PAIP1: variants seen among roughly 807,000 people sequenced by gnomAD.
PAIP1 encodes the protein poly(A) binding protein interacting protein 1, also known as polyadenylate-binding protein-interacting protein 1.
In PAIP1, 16 loss-of-function variants were observed where a neutral mutation model predicts 61.3. The observed-to-expected ratio is 0.26, with a 90% CI of 0.18 to 0.40. The LOEUF (loss-of-function observed/expected upper bound fraction) is 0.40. Among genes scored for constraint, PAIP1 ranks in the 10% least tolerant of loss-of-function variants. The pLI is 1.00. For missense variants in PAIP1, 416 were observed against 600.9 expected, an observed-to-expected ratio of 0.69 and a Z score of 3.22; for synonymous variants, 187 against 226.2, an observed-to-expected ratio of 0.83 and a Z score of 1.56.
At position 43,535,556 on chromosome 5, in the gene PAIP1, C is replaced by G; in HGVS notation, c.1057G>C (p.Val353Leu). The stretch of plus-strand genomic sequence containing the variant: ...TACCTACTGCAGTTTGCATCTAGGA[C>G]AACGTTTTCAATTCTCTGAATAATT... Reference protein sequence around the residue: ...EEIIQRIENVVLDANCSRDVK... With the variant: ...EEIIQRIENVLLDANCSRDVK... The change falls in exon 7 of 11, where the codon GTC becomes CTC. Residue 353 changes from valine (V) to leucine (L), a missense_variant. Coordinates refer to ENST00000306846, the MANE Select transcript of PAIP1 (RefSeq NM_006451.5). The G allele has an allele frequency of 6.3e-7, 1 of 1,583,220 alleles. No homozygotes were observed. The highest frequency in any genetic ancestry group is 8.7e-7 in the Non-Finnish European group (1 of 1,153,756).
At chr5:43,527,811 C>A (rs952114378) in intron 10 of PAIP1, among the ~76,000 whole-genome samples, 2 of 152,140 alleles carry the variant, frequency 1.3e-5, no homozygotes, top group African/African-American at 4.8e-5. Flanking sequence ...TACCAACAAA[C>A]AATTAGAATA....
intron 4 of PAIP1, among the ~76,000 whole-genome samples, chr5:43,541,839 A>T (rs925995892): frequency 6.6e-6 from 1 of 151,870 alleles, no homozygotes; most frequent in Non-Finnish European, 1.5e-5. Flanking sequence ...GTGTAATTTC[A>T]AACACTGATT....
chr5:43,533,083 T>C (rs752175549), intron 9 of PAIP1, among the ~76,000 whole-genome samples: 1 of 152,316 alleles, frequency 6.6e-6, no homozygotes, highest in African/African-American at 2.4e-5. Context: ...TTCTACTTCC[T>C]TGCCCTAAAA....
In PAIP1 at chr5:43,547,743, T is replaced by A. The variant is rs765621661; in HGVS notation, c.606A>T (p.Glu202Asp). ...GCCAACATACCTGTTGATAGATGAG[T>A]TCCACAAGTTCTTGCAAAGCATCAT... ...TTDDALQELV[E>D]LIYQQATSIP... The change falls in exon 3 of 11, where the codon GAA becomes GAT. Residue 202 changes from glutamate (E) to aspartate (D), a missense_variant. Physicochemically the swap from Glu to Asp is conservative, Grantham distance 45 (BLOSUM62 2). Coordinates refer to ENST00000306846, the MANE Select transcript of PAIP1 (RefSeq NM_006451.5). The A allele has an allele frequency of 6.2e-7, 1 of 1,608,014 alleles. No homozygotes were observed. Among genetic ancestry groups the A allele is most frequent in the South Asian group, 1.1e-5 (1 of 90,476 alleles).
chr5:43,556,164 A>C, intron 1 of PAIP1, 165 bp from the exon 2 acceptor site: 1 of 1,409,372 alleles, frequency 7.1e-7, no homozygotes, highest in Non-Finnish European at 9.2e-7. Flanking sequence ...GCCTACAAAA[A>C]GGAACAATAG....
At position 43,527,467 on chromosome 5, in the gene PAIP1, T is replaced by C. The variant is rs757259103; in HGVS notation, c.1349A>G (p.Tyr450Cys). The C allele has an allele frequency of 4.4e-6, 7 of 1,604,176 alleles. No homozygotes were observed. The highest frequency in any genetic ancestry group is 6.0e-6 in the Non-Finnish European group (7 of 1,175,652). The change falls in exon 11 of 11, where the codon TAC becomes TGC. Residue 450 changes from tyrosine to cysteine, a missense_variant and splice_region_variant. Coordinates refer to ENST00000306846, the MANE Select transcript of PAIP1 (RefSeq NM_006451.5). ...GTDLSGAGDPYLDDIDDEMDP... is the reference protein window; with the variant it reads ...GTDLSGAGDPCLDDIDDEMDP... ...CATCTCATCATCAATATCATCCAAG[T>C]ATCTGTAAAAGCAAAGATGATTCAT...
chr5:43,533,727 A>G lies in PAIP1; in HGVS notation c.1252+11T>C. The G allele has an allele frequency of 6.4e-7, 1 of 1,558,018 alleles. No individual in the cohort carries two copies. Among genetic ancestry groups the G allele is most frequent in the African/African-American group, 1.4e-5 (1 of 73,928 alleles). ...CAACTGGGAGGAGGGAATGACTGTG[A>G]GACAACATACCTGGATCAGCTGCAG... On this transcript the variant is annotated intron_variant, in intron 9 of 10. Coordinates refer to ENST00000306846, the MANE Select transcript of PAIP1 (RefSeq NM_006451.5).
At chr5:43,527,567 C>A in intron 10 of PAIP1, 98 bp from the exon 11 acceptor site, 1 of 1,064,550 alleles carries the variant, frequency 9.4e-7, no homozygotes, top group East Asian at 2.7e-5. Flanking sequence ...CTTTCCTAGA[C>A]TGACTTATAA....
At chr5:43,548,504 A>C (rs1385628377) in intron 2 of PAIP1, among the ~76,000 whole-genome samples, 1 of 152,240 alleles carries the variant, frequency 6.6e-6, no homozygotes, top group Non-Finnish European at 1.5e-5. Context: ...CACGGTATAA[A>C]TGGAAGGAGA....
At chr5:43,531,191 C>T (rs184106990) in intron 9 of PAIP1, among the ~76,000 whole-genome samples, 2 of 151,918 alleles carry the variant, frequency 1.3e-5, no homozygotes, top group Admixed American at 1.3e-4. Context: ...ACATAAAGAA[C>T]CCCTATGACA....
intron 7 of PAIP1, 107 bp from the exon 8 acceptor site, chr5:43,535,077 C>A: frequency 1.5e-6 from 1 of 685,312 alleles, no homozygotes; most frequent in South Asian, 1.7e-5. Flanking sequence ...ACAGGTACAT[C>A]TGATGCCTTG....
At chr5:43,537,325 G>A (rs558058750) in intron 5 of PAIP1, among the ~76,000 whole-genome samples, 1 of 152,060 alleles carries the variant, frequency 6.6e-6, no homozygotes, top group African/African-American at 2.4e-5. Context: ...TTATATCACT[G>A]TGTAGAAGAA....
intron 6 of PAIP1, 143 bp downstream of exon 6, chr5:43,536,676 C>A: frequency 2.1e-6 from 1 of 480,262 alleles, no homozygotes; most frequent in Non-Finnish European, 3.7e-6. Flanking sequence ...TCTCGCTTTT[C>A]CAAAATATTC....
chr5:43,551,940 A>C (rs1018648138), intron 2 of PAIP1, among the ~76,000 whole-genome samples: 3 of 152,164 alleles, frequency 2.0e-5, no homozygotes, highest in Non-Finnish European at 4.4e-5. Context: ...CAAAGCCTGC[A>C]TTACTTCTCT....
rs1372365110 is a variant in PAIP1 at position 43,555,841 on chromosome 5, A to T, written c.424T>A (p.Ser142Thr). 5.0e-6 allele frequency: 8 copies of T among 1,610,416 alleles called. 1 individual carries two copies. Among genetic ancestry groups the T allele is most frequent in the South Asian group, 2.2e-5 (2 of 90,438 alleles). Residue 142 changes from serine to threonine, a missense_variant, in exon 2 of 11, where the codon TCC becomes ACC. Physicochemically the swap from Ser to Thr is moderately conservative, Grantham distance 58. Transcript: ENST00000306846. Reference protein sequence around the residue: ...APEFYPSGYSSSYTESYEDGC... With the variant: ...APEFYPSGYSTSYTESYEDGC... ...AAGGGTGTACTTACTGTGTAACTGG[A>T]AGAATAACCTGAAGGGTAAAATTCA...
chr5:43,555,986 G>A lies in PAIP1; in HGVS notation c.279C>T (p.Pro93=), dbSNP rs757134803. 1.6e-5 allele frequency: 26 copies of A among 1,611,988 alleles called. No homozygotes were observed. Among genetic ancestry groups the A allele is most frequent in the Middle Eastern group, 3.3e-4 (2 of 6,062 alleles). The part of the protein sequence containing the change: ...RPGALPEQTR[P]LRAPPSSQDK... ...CCTGTGAACTAGGTGGAGCTCTCAG[G>A]GGCCTCGTTTGCTCTGCAAAAGAAA... is the stretch of plus-strand genomic sequence containing the variant. The change falls in exon 2 of 11, where the codon CCC becomes CCT. Residue 93 remains proline, a synonymous_variant. Transcript: ENST00000306846.
rs1372397633 is a variant in PAIP1 at position 43,556,774 on chromosome 5, C to G, written c.73G>C (p.Gly25Arg). ...TTCGGGAAACCGCCGCCCTCAGGCC[C>G]GCCCCCTCCGCGGCCCAGGCCCCGG... The part of the protein sequence containing the change: ...RSRGLGRGGG[G>R]PEGGGFPNGA... The change falls in exon 1 of 11, where the codon GGG (glycine) becomes CGG (arginine). Residue 25 changes from glycine to arginine, a missense_variant. By Grantham distance (125) the Gly-to-Arg change is moderately radical. Transcript: ENST00000306846. The G allele has an allele frequency of 9.0e-6, 13 of 1,437,766 alleles. No homozygotes were observed. Among genetic ancestry groups the G allele is most frequent in the Non-Finnish European group, 9.1e-7 (1 of 1,099,322 alleles). The allele number at this position is 1,437,766 out of a possible 1,614,324, so 89.1% of individuals were successfully genotyped here.
chr5:43,538,386 AATAGCTTGATTTAGCC>A (rs1747242575), intron 5 of PAIP1, among the ~76,000 whole-genome samples: 1 of 152,206 alleles, frequency 6.6e-6, no homozygotes, highest in South Asian at 2.1e-4. Context: ...GCATATGTTA[AATAGCTTGATTTAGCC>A]ATTCTACGAT....
intron 4 of PAIP1, among the ~76,000 whole-genome samples, chr5:43,542,280 C>A (rs907662116): frequency 6.6e-6 from 1 of 151,532 alleles, no homozygotes; most frequent in Non-Finnish European, 1.5e-5. Context: ...TGCCTGTAAT[C>A]CCAGCACTTT....
Sources: allele counts gnomAD v4.1 joint callset (sites outside exome capture counted in the v4.1 genomes callset), GRCh38; gene constraint gnomAD v4.1.1; transcripts MANE v1.5; gene names NCBI Gene and HGNC (gene_info 2026-07-23, HGNC 2026-07-21).